Variants in RTN4 observed in about 807,000 individuals in gnomAD.
The protein encoded by RTN4 is reticulon 4, also known as reticulon-4.
Under a neutral mutation model 90.4 loss-of-function variants are expected in RTN4, and 32 were observed. The ratio of observed to expected loss-of-function variants is 0.35; its 90% CI spans 0.27 to 0.48. RTN4 has a LOEUF of 0.48. Among genes scored for constraint, RTN4 ranks in the 20% least tolerant of loss-of-function variants. The pLI is 0.99. For synonymous variants in RTN4, 629 were observed against 552.5 expected (o/e 1.14, Z -1.94); for missense variants, 1,706 against 1,430.2 (o/e 1.19, Z -3.11).
intron 2 of RTN4, among the ~76,000 whole-genome samples, chr2:55,068,884 T>C (rs1668440412): frequency 6.6e-6 from 1 of 152,250 alleles, no homozygotes; most frequent in Admixed American, 6.5e-5. Flanking sequence ...CCTTCTTCAG[T>C]GAAACCGGCT....
At chr2:55,067,652 T>A (rs1318445578) in intron 2 of RTN4, among the ~76,000 whole-genome samples, 1 of 152,120 alleles carries the variant, frequency 6.6e-6, no homozygotes, top group Non-Finnish European at 1.5e-5. Context: ...TGACCTCAAG[T>A]GATTAGCCTG....
intron 1 of RTN4, among the ~76,000 whole-genome samples, chr2:55,044,438 T>C (rs773234894): frequency 6.6e-6 from 1 of 151,756 alleles, no homozygotes; most frequent in Non-Finnish European, 1.5e-5. Context: ...TTGCCAGGCA[T>C]GGTGGCTCAT....
chr2:55,053,742 G>C (rs1668141627), upstream of RTN4, among the ~76,000 whole-genome samples: 1 of 151,666 alleles, frequency 6.6e-6, no homozygotes, highest in Non-Finnish European at 1.5e-5. Context: ...ATCAGAAGTA[G>C]AAGATTAAAG....
At chr2:55,040,842 G>A (rs1275568145) in intron 1 of RTN4, among the ~76,000 whole-genome samples, 1 of 150,174 alleles carries the variant, frequency 6.7e-6, no homozygotes, top group African/African-American at 2.5e-5. Flanking sequence ...GAACTTCCAA[G>A]AGACCACCAA....
intron 2 of RTN4, among the ~76,000 whole-genome samples, chr2:55,078,080 T>TAC (rs1263327312): frequency 4.0e-5 from 6 of 151,834 alleles, no homozygotes; most frequent in Admixed American, 6.6e-5. Flanking sequence ...GTACAGTGTA[T>TAC]AGTGCTCAGG....
intron 3 of RTN4, among the ~76,000 whole-genome samples, chr2:55,013,331 C>A (rs1680783195): frequency 6.6e-6 from 1 of 152,104 alleles, no homozygotes; most frequent in Non-Finnish European, 1.5e-5. Context: ...CCAGTATCCC[C>A]TTCTCCCAAG....
At chr2:55,131,600 T>C in the RTN4 span, among the ~76,000 whole-genome samples, 1 of 152,118 alleles carries the variant, frequency 6.6e-6, no homozygotes, top group East Asian at 1.9e-4. Flanking sequence ...ACTGAAAACA[T>C]TGGCAGGGCA....
intron 1 of RTN4, among the ~76,000 whole-genome samples, chr2:55,030,524 A>G (rs1042186964): frequency 2.0e-5 from 3 of 152,180 alleles, no homozygotes; most frequent in Admixed American, 1.3e-4. Context: ...TCACAAATCC[A>G]TCACTTACAA....
At chr2:55,119,931 G>C in the RTN4 span, among the ~76,000 whole-genome samples, 1 of 152,230 alleles carries the variant, frequency 6.6e-6, no homozygotes, top group African/African-American at 2.4e-5. Flanking sequence ...ACCAGCCTCA[G>C]ATGCAGGAGG....
chr2:55,137,341 G>A, the RTN4 span, among the ~76,000 whole-genome samples: 1 of 152,330 alleles, frequency 6.6e-6, no homozygotes, highest in East Asian at 1.9e-4. Flanking sequence ...CAGCCATGCC[G>A]TGCTGAGGGT....
chr2:55,035,529 G>T lies in RTN4; in HGVS notation c.557-7309C>A, dbSNP rs112385251. On this transcript the variant is annotated intron_variant, in intron 1 of 8. Coordinates refer to ENST00000337526, the MANE Select transcript of RTN4 (RefSeq NM_020532.5). ...GCTTTTAGAAAAAAGGCTTAAAATCGAAGTGTAAAGCTTCCACTTTAAAAG... is the reference window on the plus strand; with the variant it reads ...GCTTTTAGAAAAAAGGCTTAAAATCTAAGTGTAAAGCTTCCACTTTAAAAG... Among the ~76,000 whole-genome samples the T allele has an allele frequency of 7.9e-5, 12 of 152,002 alleles. No individual in the cohort carries two copies. The East Asian group carries it at 1.7e-3, about 22-fold the overall frequency.
In RTN4 at chr2:54,973,205, ATGAAAAAG is replaced by A. The variant is rs752863665; in HGVS notation, c.3537-15_3537-8del. ...AGGGATTTTTGCTTGGATTCTGAAAATGAAAAAGTCAATGTAAATATCAGTTTTGTTTG... is the reference window on the plus strand; with the variant it reads ...AGGGATTTTTGCTTGGATTCTGAAAATCAATGTAAATATCAGTTTTGTTTG... On this transcript the variant is annotated splice_polypyrimidine_tract_variant and splice_region_variant and intron_variant, in intron 8 of 8. Transcript: ENST00000337526. 16 of 1,602,220 alleles carry A rather than the reference ATGAAAAAG, an allele frequency of 1.0e-5. No individual in the cohort carries two copies. The South Asian group carries it at 1.8e-4, about 18-fold the overall frequency.
At chr2:55,015,597 C>T (rs1680973385) in intron 3 of RTN4, among the ~76,000 whole-genome samples, 1 of 152,222 alleles carries the variant, frequency 6.6e-6, no homozygotes. Flanking sequence ...GAAATACAAA[C>T]TGCCAACATG....
At chr2:55,001,151 A>C (rs1228241879) in intron 3 of RTN4, among the ~76,000 whole-genome samples, 1 of 152,204 alleles carries the variant, frequency 6.6e-6, no homozygotes, top group Non-Finnish European at 1.5e-5. Context: ...AGGAAACAGA[A>C]GCCAAACATA....
chr2:55,045,719 C>T (rs1440551977), intron 1 of RTN4, among the ~76,000 whole-genome samples: 10 of 152,188 alleles, frequency 6.6e-5, no homozygotes, highest in Non-Finnish European at 4.4e-5. Flanking sequence ...GATAGCAGAG[C>T]ATGGATTAAA....
chr2:55,081,745 C>A (rs930224650), intron 1 of RTN4, among the ~76,000 whole-genome samples: 1 of 151,526 alleles, frequency 6.6e-6, no homozygotes, highest in African/African-American at 2.4e-5. Flanking sequence ...TGCCTGTGAT[C>A]CCAGCTACTC....
intron 5 of RTN4, among the ~76,000 whole-genome samples, chr2:54,976,660 C>A (rs1677660460): frequency 6.6e-6 from 1 of 152,170 alleles, no homozygotes; most frequent in Non-Finnish European, 1.5e-5. Flanking sequence ...TCAGGGAACA[C>A]ACCACCAGGA....
At chr2:55,111,605 G>C (rs1178622744) in intron 1 of RTN4, among the ~76,000 whole-genome samples, 1 of 152,128 alleles carries the variant, frequency 6.6e-6, no homozygotes, top group Non-Finnish European at 1.5e-5. Context: ...CCCTCTGCTG[G>C]GAGTCACAGA....
At chr2:55,011,994 A>T (rs895527655) in intron 3 of RTN4, among the ~76,000 whole-genome samples, 4 of 152,130 alleles carry the variant, frequency 2.6e-5, no homozygotes, top group Non-Finnish European at 4.4e-5. Flanking sequence ...TCAGAATCTC[A>T]AACTATTTAG....
Sources: gnomAD v4.1 joint callset for allele counts (sites outside exome capture counted in the v4.1 genomes callset) on GRCh38, gnomAD v4.1.1 for gene constraint, MANE v1.5 for transcripts, NCBI Gene and HGNC (gene_info 2026-07-23, HGNC 2026-07-21) for gene names.